Variants in TDRD12 observed in about 807,000 individuals in gnomAD.
TDRD12 encodes tudor domain containing 12, also known as putative ATP-dependent RNA helicase TDRD12.
Under a neutral mutation model 133.5 loss-of-function variants are expected in TDRD12, and 158 were observed. The observed-to-expected ratio is 1.18, with a 90% CI of 1.04 to 1.35. TDRD12 has a LOEUF of 1.35. TDRD12 is among the 40% of genes most tolerant of loss of function. The pLI is 0.00. For synonymous variants in TDRD12, 460 were observed against 477.9 expected, an observed-to-expected ratio of 0.96 and a Z score of 0.49; for missense variants, 1,443 against 1,321.3, an observed-to-expected ratio of 1.09 and a Z score of -1.43.
chr19:32,768,412 CAG>C (rs974996759), intron 8 of TDRD12, among the ~76,000 whole-genome samples: 1 of 146,806 alleles, frequency 6.8e-6, no homozygotes, highest in Non-Finnish European at 1.5e-5. Flanking sequence ...TTTTCAGAGA[CAG>C]GGTGTTGCAC....
At chr19:32,803,951 A>G (rs1971471480) in intron 21 of TDRD12, among the ~76,000 whole-genome samples, 1 of 152,122 alleles carries the variant, frequency 6.6e-6, no homozygotes, top group Admixed American at 6.5e-5. Context: ...AGTAGCTTAT[A>G]TATACTCAAC....
chr19:32,805,126 C>T (rs1050421898), intron 21 of TDRD12, among the ~76,000 whole-genome samples: 1 of 148,544 alleles, frequency 6.7e-6, no homozygotes, highest in Admixed American at 6.8e-5. Flanking sequence ...ACAGAGACCC[C>T]GTCTCTTTAA....
chr19:32,824,960 G>A (rs1196790161), downstream of TDRD12, among the ~76,000 whole-genome samples: 4 of 152,124 alleles, frequency 2.6e-5, no homozygotes, highest in South Asian at 2.1e-4. Flanking sequence ...TCCCAGAAGC[G>A]GTGTCTTGTT....
intron 3 of TDRD12, among the ~76,000 whole-genome samples, chr19:32,739,650 TGGTGCTCTCTCTGC>T (rs1969340810): frequency 7.0e-6 from 1 of 142,314 alleles, no homozygotes. Context: ...CTGCATCTCC[TGGTGCTCTCTCTGC>T]ATCTCCTGCT....
chr19:32,720,208 C>T, intron 1 of TDRD12, 112 bp downstream of exon 1: 2 of 1,238,824 alleles, frequency 1.6e-6, no homozygotes, highest in African/African-American at 3.4e-5. Context: ...CCTACACCCA[C>T]CGCAGCCCCG....
rs192474148 is a variant in TDRD12 at position 32,750,914 on chromosome 19, C to T, written c.582+1045C>T. On this transcript the variant is annotated intron_variant, in intron 6 of 27. Coordinates refer to ENST00000444215, the Ensembl canonical transcript of TDRD12. ...GCATCCCAGCAGGGGTTTATGACGTCAGTATGTCTAATTACTAGTGATGTG... is the reference window on the plus strand; with the variant it reads ...GCATCCCAGCAGGGGTTTATGACGTTAGTATGTCTAATTACTAGTGATGTG... 2.0e-5 allele frequency among the ~76,000 whole-genome samples: 3 copies of T among 152,350 alleles called. No individual in the cohort carries two copies. The East Asian group carries it at 5.8e-4, about 29-fold the overall frequency.
intron 4 of TDRD12, among the ~76,000 whole-genome samples, chr19:32,747,012 T>G (rs924808271): frequency 2.9e-5 from 3 of 104,120 alleles, no homozygotes; most frequent in African/African-American, 4.5e-5. Context: ...CTGGCTGAGG[T>G]GGTTATTCTG....
At chr19:32,755,615 C>T (rs889171230) in intron 6 of TDRD12, among the ~76,000 whole-genome samples, 1 of 152,228 alleles carries the variant, frequency 6.6e-6, no homozygotes, top group African/African-American at 2.4e-5. Flanking sequence ...AATTTTGCCT[C>T]ATCTGTTTAT....
At chr19:32,827,131 A>C in intron 9 of TDRD12, 33 bp from the exon 33 acceptor site, 1 of 1,144,028 alleles carries the variant, frequency 8.7e-7, no homozygotes, top group African/African-American at 1.6e-5. Flanking sequence ...TGATTAGTCT[A>C]CACTTATTTG....
chr19:32,815,191 C>A (rs1427062975), intron 25 of TDRD12, among the ~76,000 whole-genome samples: 4 of 142,252 alleles, frequency 2.8e-5, no homozygotes, highest in Non-Finnish European at 3.1e-5. Flanking sequence ...GGGGTTTATC[C>A]CAGATTTGCT....
chr19:32,735,579 A>G (rs73579219), intron 2 of TDRD12, among the ~76,000 whole-genome samples: 155 of 152,340 alleles, frequency 1.0e-3, no homozygotes, highest in African/African-American at 3.6e-3. Context: ...TGTAGCTATG[A>G]TCATTGTTGA....
Position 32,790,961 on chromosome 19 carries a change from C to A in TDRD12, c.1183-3C>A. 1 of 1,535,312 alleles carries A rather than the reference C, an allele frequency of 6.5e-7. No individual in the cohort carries two copies. Among genetic ancestry groups the A allele is most frequent in the Admixed American group, 2.0e-5 (1 of 50,708 alleles). ...TGGTTGTCTAATGCACACGTTCTCT[C>A]AGTTGCAGAAGCTGAAGGGCCTGCA... On this transcript the variant is annotated splice_region_variant and splice_polypyrimidine_tract_variant and intron_variant, in intron 12 of 27. Transcript: ENST00000444215.
intron 8 of TDRD12, among the ~76,000 whole-genome samples, chr19:32,765,689 G>T (rs948179146): frequency 2.0e-5 from 3 of 151,468 alleles, no homozygotes; most frequent in African/African-American, 7.3e-5. Context: ...AGTGAACAAT[G>T]GGAACACTTG....
downstream of TDRD12, chr19:32,826,140 C>T (rs766975370): frequency 2.1e-4 from 324 of 1,535,714 alleles, no homozygotes; most frequent in Non-Finnish European, 1.8e-4. Context: ...ATTAGCAGAA[C>T]TGCACAGCCG....
At position 32,754,172 on chromosome 19, in the gene TDRD12, A is replaced by G. The variant is rs1318495543; in HGVS notation, c.583-1820A>G. Among the ~76,000 whole-genome samples the G allele has an allele frequency of 2.0e-5, 3 of 152,292 alleles. No homozygotes were observed. The East Asian group carries it at 5.8e-4, about 29-fold the overall frequency. Reference sequence around the variant, plus strand: ...CATTACTTATTTTATAACTTAGTAAAAATACCAAAATCAGCCAAAGGCTGT... The same window carrying G: ...CATTACTTATTTTATAACTTAGTAAGAATACCAAAATCAGCCAAAGGCTGT... On this transcript the variant is annotated intron_variant, in intron 6 of 27. Transcript: ENST00000444215.
rs940817473 is a variant in TDRD12, at chr19:32,802,908, C to T, written c.2332-14C>T. On this transcript the variant is annotated splice_polypyrimidine_tract_variant and intron_variant, in intron 20 of 27. Coordinates refer to ENST00000444215, the Ensembl canonical transcript of TDRD12. Reference sequence around the variant, plus strand: ...ATAGATGATCCACTTCCTTTATTCACCCCCAATTTTCAGGGTTCTCCTGCA... The same window carrying T: ...ATAGATGATCCACTTCCTTTATTCATCCCCAATTTTCAGGGTTCTCCTGCA... 4.6e-5 allele frequency: 70 copies of T among 1,530,396 alleles called. No individual in the cohort carries two copies. The highest frequency in any genetic ancestry group is 8.4e-5 in the South Asian group (7 of 83,540). The allele number at this position is 1,530,396 out of a possible 1,614,324, so 94.8% of individuals were successfully genotyped here. A position where few individuals can be genotyped will look rare whatever the true frequency, so the allele number is the denominator to read the frequency against.
At chr19:32,733,356 G>A (rs924262610) in intron 2 of TDRD12, among the ~76,000 whole-genome samples, 2 of 151,942 alleles carry the variant, frequency 1.3e-5, no homozygotes, top group Non-Finnish European at 2.9e-5. Flanking sequence ...TGTAATCCCA[G>A]CTACTAGAGA....
At chr19:32,813,139 G>T (rs562799639) in intron 24 of TDRD12, among the ~76,000 whole-genome samples, 2 of 152,266 alleles carry the variant, frequency 1.3e-5, no homozygotes, top group East Asian at 3.9e-4. Context: ...TTGCGCCACT[G>T]CACTCCAGCC....
At chr19:32,739,200 G>A (rs1164312416) in intron 3 of TDRD12, among the ~76,000 whole-genome samples, 1 of 152,194 alleles carries the variant, frequency 6.6e-6, no homozygotes, top group African/African-American at 2.4e-5. Context: ...GAAGGCTGAG[G>A]TGGCTCTGGC....
Sources: allele counts gnomAD v4.1 joint callset (sites outside exome capture counted in the v4.1 genomes callset), GRCh38; gene constraint gnomAD v4.1.1; transcripts MANE v1.5; gene names NCBI Gene and HGNC (gene_info 2026-07-23, HGNC 2026-07-21).